IGFL4: variants seen among roughly 807,000 people sequenced by gnomAD.
The protein encoded by IGFL4 is insulin growth factor-like family member 4.
IGFL4 carries 12 observed loss-of-function variants against 15.4 expected under a neutral mutation model. That is an observed-to-expected ratio of 0.78 (90% CI 0.50 to 1.26). The LOEUF (loss-of-function observed/expected upper bound fraction) is 1.26. IGFL4 is among the 50% of genes most tolerant of loss of function. The pLI is 0.00. For synonymous variants in IGFL4, 54 were observed against 55.9 expected, an observed-to-expected ratio of 0.97 and a Z score of 0.16; for missense variants, 126 against 147.8, an observed-to-expected ratio of 0.85 and a Z score of 0.76.
chr19:46,068,707 G>T (rs12461405), intron 1 of IGFL4, among the ~76,000 whole-genome samples: 1 of 152,122 alleles, frequency 6.6e-6, no homozygotes, highest in Non-Finnish European at 1.5e-5. Flanking sequence ...CTGAGGAACC[G>T]CCGGGAAAGA....
chr19:46,052,902 T>C (rs1010250348), intron 2 of IGFL4, among the ~76,000 whole-genome samples: 36 of 135,982 alleles, frequency 2.6e-4, no homozygotes, highest in Non-Finnish European at 4.8e-4. Flanking sequence ...TGCTACTCTG[T>C]ATCAGCAAAC....
In IGFL4 at chr19:46,040,011, C is replaced by T; in HGVS notation, c.331-75G>A. The T allele has an allele frequency of 1.3e-6, 2 of 1,512,114 alleles. No individual in the cohort carries two copies. The highest frequency in any genetic ancestry group is 1.8e-6 in the Non-Finnish European group (2 of 1,088,220). 93.7% of individuals were successfully genotyped at this position (1,512,114 alleles called of 1,614,324 possible). On this transcript the variant is annotated intron_variant, in intron 3 of 3. Transcript: ENST00000377697. The surrounding 1 kb of genome is among the most constrained non-coding windows in gnomAD (Gnocchi z 4.1). Reference sequence around the variant, plus strand: ...AGCAGTGGCGGGGAAGGAACAGAGACATGGAGAAAGACAGAGTTGCATGGT... The same window carrying T: ...AGCAGTGGCGGGGAAGGAACAGAGATATGGAGAAAGACAGAGTTGCATGGT...
At chr19:46,042,649 C>T (rs1034851613), upstream of IGFL4, among the ~76,000 whole-genome samples, 2 of 152,082 alleles carry the variant, frequency 1.3e-5, no homozygotes, top group Non-Finnish European at 2.9e-5. Flanking sequence ...ATTACTTACA[C>T]AGACAGGGAA....
At chr19:46,056,924 A>C (rs1969398570) in intron 2 of IGFL4, among the ~76,000 whole-genome samples, 1 of 152,180 alleles carries the variant, frequency 6.6e-6, no homozygotes, top group Admixed American at 6.5e-5. Context: ...TATACACCCC[A>C]GTCACTCACT....
intron 2 of IGFL4, among the ~76,000 whole-genome samples, chr19:46,056,355 C>T (rs959724769): frequency 1.3e-5 from 2 of 152,112 alleles, no homozygotes; most frequent in African/African-American, 2.4e-5. Context: ...TGATCATTGC[C>T]GAAAGTTCCA....
At chr19:46,046,580 GA>G (rs1193223440) in intron 2 of IGFL4, among the ~76,000 whole-genome samples, 6 of 152,078 alleles carry the variant, frequency 3.9e-5, no homozygotes. Flanking sequence ...CAAGGAAATG[GA>G]AAACAGAAAA....
chr19:46,048,915 C>A (rs556682737), intron 2 of IGFL4, among the ~76,000 whole-genome samples: 1 of 152,286 alleles, frequency 6.6e-6, no homozygotes, highest in South Asian at 2.1e-4. Flanking sequence ...TTAGAAAAAA[C>A]TATTTTAAAA....
chr19:46,042,130 C>A (rs376326947), upstream of IGFL4, among the ~76,000 whole-genome samples: 101,512 of 151,680 alleles, frequency 0.67, 34,571 homozygotes, highest in East Asian at 0.86. Context: ...TGCTTATTTG[C>A]ACTCCAGCCT....
rs931889274 is a variant in IGFL4 at position 46,040,124 on chromosome 19, C to T, written c.330+33G>A. ...ACCAAGCTCCATTCCCTACTCCCCC[C>T]TCCCACAGCCTGGACTGGAGTCAGA... On this transcript the variant is annotated intron_variant, in intron 3 of 3. Transcript: ENST00000377697. The surrounding 1 kb of genome is among the most constrained non-coding windows in gnomAD (Gnocchi z 4.1). 6 of 1,610,390 alleles carry T rather than the reference C, an allele frequency of 3.7e-6. No individual in the cohort carries two copies. In the African/African-American group the frequency reaches 8.0e-5, roughly 22 times the overall value.
At chr19:46,073,521 A>G (rs1419593119) in intron 1 of IGFL4, among the ~76,000 whole-genome samples, 1 of 152,208 alleles carries the variant, frequency 6.6e-6, no homozygotes, top group Non-Finnish European at 1.5e-5. Context: ...CACCAGGTCT[A>G]GGCCCTCTGT....
intron 2 of IGFL4, chr19:46,059,713 T>TG (rs1969426959): frequency 6.6e-6 from 1 of 152,242 alleles, no homozygotes; most frequent in Non-Finnish European, 1.5e-5. Flanking sequence ...TTATTATACT[T>TG]GGCCTAATTA....
chr19:46,040,295 GGAGCCGCA>G lies in IGFL4; in HGVS notation c.184_191del (p.Cys62GlnfsTer58). On this transcript the variant is annotated frameshift_variant, in exon 3 of 4. Transcript: ENST00000377697. LOFTEE classifies it high-confidence loss of function. This position sits in a 1 kb window ranked among gnomAD's most constrained non-coding sequence, Gnocchi z 4.1. ...GGAAGCAGGGCCAGAAGGTGCAGCTGGAGCCGCAGAGCCGGGTCTGGTTCAAGTCTAGG... is the reference window on the plus strand; with the variant it reads ...GGAAGCAGGGCCAGAAGGTGCAGCTGGAGCCGGGTCTGGTTCAAGTCTAGG... 2 of 1,614,142 alleles carry G rather than the reference GGAGCCGCA, an allele frequency of 1.2e-6. No individual in the cohort carries two copies.
intron 2 of IGFL4, among the ~76,000 whole-genome samples, chr19:46,055,972 T>G (rs1382467666): frequency 2.0e-5 from 3 of 152,164 alleles, no homozygotes; most frequent in Non-Finnish European, 4.4e-5. Flanking sequence ...AGACAGGGTT[T>G]CACCATGTTG....
chr19:46,061,339 GT>G (rs1969443225), intron 1 of IGFL4, among the ~76,000 whole-genome samples: 1 of 152,148 alleles, frequency 6.6e-6, no homozygotes, highest in Non-Finnish European at 1.5e-5. Flanking sequence ...TATAGTTTTT[GT>G]TTTTCTGAGA....
chr19:46,044,342 A>T (rs1373064427), upstream of IGFL4, among the ~76,000 whole-genome samples: 1 of 152,178 alleles, frequency 6.6e-6, no homozygotes, highest in South Asian at 2.1e-4. Flanking sequence ...ACATCCCTCC[A>T]TACATATTTC....
rs556363494 is a variant in IGFL4, at chr19:46,069,867, AAAC to A, written c.-432+7150_-432+7152del. On this transcript the variant is annotated intron_variant, in intron 1 of 5. Coordinates refer to the IGFL4 transcript ENST00000601672. ...GAGCCATATGCATAGGGAAAAATCT[AAAC>A]AATAGATTAGACTAAAGCAATAAAC... is the stretch of plus-strand genomic sequence containing the variant. 1.4e-4 allele frequency among the ~76,000 whole-genome samples: 21 copies of A among 152,358 alleles called. No homozygotes were observed. The Middle Eastern group carries it at 0.01, about 74-fold the overall frequency.
chr19:46,050,961 TAGC>T (rs1969340259), intron 2 of IGFL4, among the ~76,000 whole-genome samples: 1 of 152,192 alleles, frequency 6.6e-6, no homozygotes, highest in Admixed American at 6.5e-5. Context: ...GTCAGATTAA[TAGC>T]AGATTTCTCA....
At chr19:46,049,732 C>G (rs558754468) in intron 2 of IGFL4, among the ~76,000 whole-genome samples, 1 of 152,244 alleles carries the variant, frequency 6.6e-6, no homozygotes, top group East Asian at 1.9e-4. Context: ...GCTCTATAGC[C>G]CTGCCCATCA....
At chr19:46,067,756 C>A (rs1458702015) in intron 1 of IGFL4, among the ~76,000 whole-genome samples, 1 of 152,226 alleles carries the variant, frequency 6.6e-6, no homozygotes, top group Admixed American at 6.5e-5. Flanking sequence ...AGGTTTGTTT[C>A]TCTCTGGGAC....
Sources: allele counts gnomAD v4.1 joint callset (sites outside exome capture counted in the v4.1 genomes callset), GRCh38; gene constraint gnomAD v4.1.1; non-coding constraint Gnocchi (gnomAD v3.1); transcripts MANE v1.5; gene names NCBI Gene and HGNC (gene_info 2026-07-23, HGNC 2026-07-21).